The following TANC1 variants were observed in gnomAD, a reference collection of about 807,000 sequenced individuals.
The protein encoded by TANC1 is protein TANC1.
TANC1 carries 77 observed loss-of-function variants against 149.7 expected under a neutral mutation model. The observed-to-expected ratio is 0.51, with a 90% CI of 0.43 to 0.62. The LOEUF is 0.62. Among genes scored for constraint, TANC1 ranks in the 20% least tolerant of loss-of-function variants. TANC1 has a pLI of 0.00. For synonymous variants in TANC1, 854 were observed against 925.0 expected (o/e 0.92, Z 1.39); for missense variants, 1,985 against 2,321.8 (o/e 0.85, Z 2.98).
chr2:159,216,016 A>G (rs2059322776), intron 19 of TANC1, among the ~76,000 whole-genome samples: 1 of 151,956 alleles, frequency 6.6e-6, no homozygotes, highest in African/African-American at 2.4e-5. Context: ...CATCTCTGCA[A>G]GTGGGTTGCT....
chr2:159,187,620 C>T (rs1023866363), intron 16 of TANC1, among the ~76,000 whole-genome samples: 2 of 152,216 alleles, frequency 1.3e-5, no homozygotes, highest in Admixed American at 6.5e-5. Flanking sequence ...ATCTGAAGCA[C>T]ACAGAGGCCA....
At chr2:159,200,967 C>T (rs1386121173) in intron 19 of TANC1, among the ~76,000 whole-genome samples, 2 of 152,160 alleles carry the variant, frequency 1.3e-5, no homozygotes, top group Non-Finnish European at 2.9e-5. Flanking sequence ...TCTTCCTCAC[C>T]AGGCATCAGG....
intron 6 of TANC1, 63 bp from the exon 7 acceptor site, chr2:159,150,306 CA>C (rs759082305): frequency 5.8e-6 from 8 of 1,374,840 alleles, no homozygotes; most frequent in Non-Finnish European, 7.0e-6. Context: ...AGCACAAAAA[CA>C]AAAGCATGTG....
Position 159,232,275 on chromosome 2 carries a change from T to C in TANC1, c.*1263T>C, listed in dbSNP as rs2060360436. The C allele has an allele frequency of 6.5e-6, 1 of 152,678 alleles. No homozygotes were observed. The highest frequency in any genetic ancestry group is 1.5e-5 in the Non-Finnish European group (1 of 68,034). 9.5% of individuals were successfully genotyped at this position (152,678 alleles called of 1,614,324 possible). A position where few individuals can be genotyped will look rare whatever the true frequency, so the allele number is the denominator to read the frequency against. ...ATGAAAATGGTGTGTTATTGGAAGA[T>C]GTTAAAATGCTAATTTGAGAGAAGT... On this transcript the variant is annotated 3_prime_UTR_variant, in exon 27 of 27. Transcript: ENST00000263635.
intron 2 of TANC1, among the ~76,000 whole-genome samples, chr2:159,024,493 A>G (rs1475006941): frequency 1.3e-5 from 2 of 152,122 alleles, no homozygotes; most frequent in African/African-American, 4.8e-5. Flanking sequence ...GCTCATGCCT[A>G]TAATCCCAGC....
At chr2:158,977,464 C>G (rs1003844654) in intron 1 of TANC1, among the ~76,000 whole-genome samples, 2 of 151,854 alleles carry the variant, frequency 1.3e-5, no homozygotes, top group Non-Finnish European at 2.9e-5. Flanking sequence ...GTGTGCACCA[C>G]CACACCTGGC....
chr2:159,001,014 T>C lies in TANC1; in HGVS notation c.-125-66T>C, dbSNP rs943477630. 1.3e-5 allele frequency: 2 copies of C among 152,280 alleles called. No homozygotes were observed. The highest frequency in any genetic ancestry group is 4.8e-5 in the African/African-American group (2 of 41,424). 9.4% of individuals were successfully genotyped at this position (152,280 alleles called of 1,614,324 possible). On this transcript the variant is annotated intron_variant, in intron 1 of 26. Coordinates refer to ENST00000263635, the MANE Select transcript of TANC1 (RefSeq NM_033394.3). This position sits in a 1 kb window ranked among gnomAD's most constrained non-coding sequence, Gnocchi z 4.3. ...GAGGTGAAGTAATTGCTCAGGGTCATGGAGTTAATAAATGGTGGAGCGGAG... is the reference window on the plus strand; with the variant it reads ...GAGGTGAAGTAATTGCTCAGGGTCACGGAGTTAATAAATGGTGGAGCGGAG...
intron 8 of TANC1, among the ~76,000 whole-genome samples, chr2:159,167,258 T>C (rs928102833): frequency 6.6e-6 from 1 of 152,194 alleles, no homozygotes; most frequent in African/African-American, 2.4e-5. Context: ...TGCCTGCCCC[T>C]TCTACCTGTG....
rs374886231 is a variant in TANC1, at chr2:159,217,615, C to T, written c.3363C>T (p.Arg1121=). The stretch of plus-strand genomic sequence containing the variant: ...TTCCACCTTTGTTTTGTGCAGCACG[C>T]CAGGGGCATTGGCAGGTACCCAGGG... ...RGVPPLFCAA[R]QGHWQIVRLL... The change falls in exon 20 of 27, where the codon CGC becomes CGT. Residue 1121 remains arginine, a synonymous_variant. Coordinates refer to ENST00000263635, the MANE Select transcript of TANC1 (RefSeq NM_033394.3). The T allele has an allele frequency of 1.2e-6, 2 of 1,614,096 alleles. No homozygotes were observed. The highest frequency in any genetic ancestry group is 1.7e-6 in the Non-Finnish European group (2 of 1,180,020).
intron 16 of TANC1, among the ~76,000 whole-genome samples, chr2:159,193,776 C>T (rs1214810555): frequency 6.6e-6 from 1 of 152,208 alleles, no homozygotes; most frequent in Admixed American, 6.5e-5. Flanking sequence ...CCGCCATGGC[C>T]TCTCAAAGTG....
intron 4 of TANC1, among the ~76,000 whole-genome samples, chr2:159,120,876 C>T (rs1020199843): frequency 2.0e-5 from 3 of 152,074 alleles, no homozygotes; most frequent in Non-Finnish European, 4.4e-5. Flanking sequence ...GCTGAGATTA[C>T]AGGCATGAGC....
At chr2:158,991,652 G>C (rs149341057) in intron 1 of TANC1, among the ~76,000 whole-genome samples, 2 of 151,896 alleles carry the variant, frequency 1.3e-5, no homozygotes, top group Admixed American at 6.6e-5. Flanking sequence ...AGGCTGAGGC[G>C]GGAGAATGGC....
chr2:159,120,331 T>C (rs910677200), intron 4 of TANC1, among the ~76,000 whole-genome samples: 4 of 152,114 alleles, frequency 2.6e-5, no homozygotes, highest in South Asian at 4.2e-4. Flanking sequence ...TAGACAATGG[T>C]GGACTTGGAC....
intron 4 of TANC1, among the ~76,000 whole-genome samples, chr2:159,123,397 C>T (rs1228306638): frequency 6.6e-6 from 1 of 151,994 alleles, no homozygotes; most frequent in African/African-American, 2.4e-5. Flanking sequence ...CTGCCTTCAC[C>T]CTCTCCTGGC....
chr2:159,180,502 T>C (rs972189980), intron 14 of TANC1, among the ~76,000 whole-genome samples: 3 of 152,220 alleles, frequency 2.0e-5, no homozygotes, highest in Non-Finnish European at 4.4e-5. Flanking sequence ...TTATGTAGCC[T>C]AGGTCAGAGC....
In TANC1 at chr2:159,151,584, T is replaced by C. The variant is rs75980068; in HGVS notation, c.682+1028T>C. On this transcript the variant is annotated intron_variant, in intron 7 of 26. Transcript: ENST00000263635. ...GAATGAACGACCTTTGAGCTCCTTA[T>C]TTTCTTTAGTCACCTGCAGTTTATT... is the stretch of plus-strand genomic sequence containing the variant. 9.2e-5 allele frequency among the ~76,000 whole-genome samples: 14 copies of C among 152,358 alleles called. No homozygotes were observed. The East Asian group carries it at 2.5e-3, about 27-fold the overall frequency.
chr2:159,189,318 C>G (rs1407129949), intron 16 of TANC1, among the ~76,000 whole-genome samples: 3 of 152,160 alleles, frequency 2.0e-5, no homozygotes, highest in African/African-American at 7.2e-5. Context: ...CCTCTGCCCT[C>G]ATCTCGGCAT....
Position 159,187,161 on chromosome 2 carries a change from A to G in TANC1, c.2742+137A>G, listed in dbSNP as rs1369633211. The G allele has an allele frequency of 4.9e-6, 5 of 1,025,522 alleles. No individual in the cohort carries two copies. The South Asian group carries it at 6.7e-5, about 14-fold the overall frequency. 63.5% of individuals were successfully genotyped at this position (1,025,522 alleles called of 1,614,324 possible). A position where few individuals can be genotyped will look rare whatever the true frequency, so the allele number is the denominator to read the frequency against. ...GAGCTTCTAAAGATGTGCTTCCCTG[A>G]TCACACGGGCTTGGGTGCTGTATTA... On this transcript the variant is annotated intron_variant, in intron 16 of 26. Coordinates refer to ENST00000263635, the MANE Select transcript of TANC1 (RefSeq NM_033394.3).
rs574664128 is a variant in TANC1, at chr2:159,192,798, C to T, written c.2743-1459C>T. ...CTGAGTGGCTGGGATTACAGGCGTGCGCCACCACGCTGGCTAATTTTTGTA... is the reference window on the plus strand; with the variant it reads ...CTGAGTGGCTGGGATTACAGGCGTGTGCCACCACGCTGGCTAATTTTTGTA... On this transcript the variant is annotated intron_variant, in intron 16 of 26. Coordinates refer to ENST00000263635, the MANE Select transcript of TANC1 (RefSeq NM_033394.3). 6.6e-5 allele frequency among the ~76,000 whole-genome samples: 10 copies of T among 152,166 alleles called. No individual in the cohort carries two copies. The East Asian group carries it at 1.5e-3, about 24-fold the overall frequency.
Sources: gnomAD v4.1 joint callset for allele counts (sites outside exome capture counted in the v4.1 genomes callset) on GRCh38, gnomAD v4.1.1 for gene constraint, Gnocchi (gnomAD v3.1) non-coding constraint, MANE v1.5 for transcripts, NCBI Gene and HGNC (gene_info 2026-07-23, HGNC 2026-07-21) for gene names.